Variants in LRRTM3 observed in about 807,000 individuals in gnomAD.
LRRTM3 encodes the protein leucine rich repeat transmembrane neuronal 3.
Under a neutral mutation model 44.7 loss-of-function variants are expected in LRRTM3, and 24 were observed. The ratio of observed to expected loss-of-function variants is 0.54; its 90% CI spans 0.39 to 0.76. The LOEUF (loss-of-function observed/expected upper bound fraction) is 0.76. Among genes scored for constraint, LRRTM3 ranks in the 30% least tolerant of loss-of-function variants. LRRTM3 has a pLI of 0.00. For synonymous variants in LRRTM3, 277 were observed against 278.7 expected (o/e 0.99, Z 0.06); for missense variants, 587 against 702.2 (o/e 0.84, Z 1.85).
chr10:67,052,442 T>G (rs2133190736), intron 2 of LRRTM3, among the ~76,000 whole-genome samples: 1 of 152,176 alleles, frequency 6.6e-6, no homozygotes, highest in South Asian at 2.1e-4. Context: ...CGAAATGGGC[T>G]TCACAAATAG....
Position 66,927,839 on chromosome 10 carries a change from G to A in LRRTM3, c.923G>A (p.Ser308Asn). ...TCTTGGATATCCCTCAATGACATCA[G>A]TCTTGCTGGGAATATATGGGAATGC... ...LDSWISLNDI[S>N]LAGNIWECSR... Residue 308 changes from serine to asparagine, a missense_variant, in exon 2 of 3, where the codon AGT becomes AAT. This residue lies in a region of LRRTM3 where 222 missense variants were observed against 323.3 expected (regional missense o/e 0.69). Coordinates refer to ENST00000361320, the MANE Select transcript of LRRTM3 (RefSeq NM_178011.5). The surrounding 1 kb of genome is among the most constrained non-coding windows in gnomAD (Gnocchi z 4.7). The A allele has an allele frequency of 6.2e-7, 1 of 1,614,192 alleles. No individual in the cohort carries two copies. Among genetic ancestry groups the A allele is most frequent in the Non-Finnish European group, 8.5e-7 (1 of 1,180,040 alleles).
intron 2 of LRRTM3, among the ~76,000 whole-genome samples, chr10:67,069,104 A>T (rs1274906382): frequency 6.6e-6 from 1 of 152,038 alleles, no homozygotes; most frequent in South Asian, 2.1e-4. Context: ...AAGAAAAAGA[A>T]GAAGACAAAA....
At chr10:67,001,932 G>T (rs879652133) in intron 2 of LRRTM3, among the ~76,000 whole-genome samples, 12 of 152,082 alleles carry the variant, frequency 7.9e-5, no homozygotes, top group Admixed American at 7.9e-4. Flanking sequence ...TTTCAGTCAG[G>T]GCTTCACCAT....
At chr10:67,025,588 T>C (rs1853320691) in intron 2 of LRRTM3, among the ~76,000 whole-genome samples, 1 of 152,200 alleles carries the variant, frequency 6.6e-6, no homozygotes, top group Admixed American at 6.5e-5. Flanking sequence ...GCTCGGTTTC[T>C]GACTTTTTTC....
At chr10:67,053,834 G>A (rs867908024) in intron 2 of LRRTM3, among the ~76,000 whole-genome samples, 1 of 152,098 alleles carries the variant, frequency 6.6e-6, no homozygotes, top group Non-Finnish European at 1.5e-5. Flanking sequence ...AACAAAATCC[G>A]AGGACCACAG....
chr10:67,037,332 A>C (rs1219766669), intron 2 of LRRTM3, among the ~76,000 whole-genome samples: 1 of 151,732 alleles, frequency 6.6e-6, no homozygotes, highest in Non-Finnish European at 1.5e-5. Flanking sequence ...TTCAGCAGTT[A>C]CTATGTGGCA....
At chr10:67,040,417 A>C (rs556966798) in intron 2 of LRRTM3, among the ~76,000 whole-genome samples, 136 of 152,234 alleles carry the variant, frequency 8.9e-4, no homozygotes, top group Non-Finnish European at 1.8e-3. Context: ...CACAAAGGTC[A>C]AACAATTTGG....
intron 2 of LRRTM3, among the ~76,000 whole-genome samples, chr10:67,094,342 C>T (rs1589729769): frequency 1.3e-5 from 2 of 151,884 alleles, no homozygotes; most frequent in East Asian, 3.9e-4. Flanking sequence ...AATGTCATCT[C>T]ATTAAACAGT....
chr10:67,071,638 GT>G (rs2131849551), intron 2 of LRRTM3, among the ~76,000 whole-genome samples: 1 of 151,978 alleles, frequency 6.6e-6, no homozygotes, highest in East Asian at 1.9e-4. Context: ...TCTTGAACTT[GT>G]GTGTGGCGGT....
At chr10:66,978,350 A>T (rs1290861133) in intron 2 of LRRTM3, among the ~76,000 whole-genome samples, 1 of 151,222 alleles carries the variant, frequency 6.6e-6, no homozygotes, top group African/African-American at 2.4e-5. Context: ...ACATGGCAAA[A>T]CCCTGTCTCT....
chr10:67,011,944 G>A (rs549495537), intron 2 of LRRTM3, among the ~76,000 whole-genome samples: 35 of 152,174 alleles, frequency 2.3e-4, no homozygotes, highest in Admixed American at 1.4e-3. Context: ...AGCCCCAGGA[G>A]TACCCATCCA....
At chr10:66,946,398 T>C (rs1264153676) in intron 2 of LRRTM3, among the ~76,000 whole-genome samples, 2 of 152,308 alleles carry the variant, frequency 1.3e-5, no homozygotes, top group East Asian at 3.9e-4. Flanking sequence ...ACTTTTTTTG[T>C]TGGCATATAA....
At chr10:66,964,982 A>C (rs1849320231) in intron 2 of LRRTM3, among the ~76,000 whole-genome samples, 1 of 152,228 alleles carries the variant, frequency 6.6e-6, no homozygotes, top group Non-Finnish European at 1.5e-5. Flanking sequence ...GCAATAAAAT[A>C]AGATGAATTC....
intron 2 of LRRTM3, among the ~76,000 whole-genome samples, chr10:67,051,546 G>A (rs546925756): frequency 9.3e-5 from 14 of 150,272 alleles, no homozygotes; most frequent in Admixed American, 3.3e-4. Flanking sequence ...TGCAACCTCC[G>A]CCTTCCAGGT....
intron 2 of LRRTM3, among the ~76,000 whole-genome samples, chr10:67,067,620 T>G (rs1170375054): frequency 6.6e-6 from 1 of 152,190 alleles, no homozygotes; most frequent in African/African-American, 2.4e-5. Flanking sequence ...TCTCCTAGCT[T>G]TTTCCTTAGA....
At chr10:67,055,343 G>A (rs192424336) in intron 2 of LRRTM3, among the ~76,000 whole-genome samples, 9 of 152,270 alleles carry the variant, frequency 5.9e-5, no homozygotes, top group Middle Eastern at 3.4e-3. Context: ...AAGATTTTAT[G>A]AGGCTAGAGT....
chr10:66,983,350 C>A (rs1850553860), intron 2 of LRRTM3, among the ~76,000 whole-genome samples: 1 of 152,122 alleles, frequency 6.6e-6, no homozygotes, highest in African/African-American at 2.4e-5. Flanking sequence ...TCCCTGGTAT[C>A]TGAAGCAGGG....
intron 2 of LRRTM3, among the ~76,000 whole-genome samples, chr10:66,989,938 C>T (rs1850951840): frequency 6.6e-6 from 1 of 152,034 alleles, no homozygotes; most frequent in African/African-American, 2.4e-5. Context: ...ATTTGTTGAA[C>T]TTCATTAAAA....
chr10:67,023,869 T>A (rs995599021), intron 2 of LRRTM3, among the ~76,000 whole-genome samples: 2 of 152,214 alleles, frequency 1.3e-5, no homozygotes, highest in African/African-American at 4.8e-5. Context: ...TCAGGTAGAA[T>A]GACACTCAAT....
Sources: gnomAD v4.1 joint callset for allele counts (sites outside exome capture counted in the v4.1 genomes callset) on GRCh38, gnomAD v4.1.1 for gene constraint, gnomAD v4.1.1 regional missense constraint, Gnocchi (gnomAD v3.1) non-coding constraint, MANE v1.5 for transcripts, NCBI Gene and HGNC (gene_info 2026-07-23, HGNC 2026-07-21) for gene names.